Variants in PRR16 observed in about 807,000 individuals in gnomAD.
The protein encoded by PRR16 is proline rich 16.
In PRR16, 6 loss-of-function variants were observed where a neutral mutation model predicts 18.2. The ratio of observed to expected loss-of-function variants is 0.33; its 90% CI spans 0.18 to 0.65. The LOEUF (loss-of-function observed/expected upper bound fraction) is 0.65. Among genes scored for constraint, PRR16 ranks in the 30% least tolerant of loss-of-function variants. The pLI is 0.74. For missense variants in PRR16, 412 were observed against 376.6 expected, an observed-to-expected ratio of 1.09 and a Z score of -0.78; for synonymous variants, 151 against 147.8, an observed-to-expected ratio of 1.02 and a Z score of -0.16.
intron 1 of PRR16, chr5:120,658,108 T>C (rs972286165): frequency 3.9e-5 from 6 of 151,920 alleles, no homozygotes; most frequent in Non-Finnish European, 8.8e-5. Flanking sequence ...GAAATATTAG[T>C]AGATTTAAAT....
chr5:120,480,190 G>T (rs1749566195), intron 1 of PRR16, among the ~76,000 whole-genome samples: 1 of 152,098 alleles, frequency 6.6e-6, no homozygotes, highest in South Asian at 2.1e-4. Flanking sequence ...CAGGAGAATT[G>T]CTTGAACCTG....
chr5:120,490,147 G>A (rs1185737742), intron 1 of PRR16, among the ~76,000 whole-genome samples: 4 of 151,992 alleles, frequency 2.6e-5, no homozygotes, highest in East Asian at 3.9e-4. Flanking sequence ...TGCTGTTCTC[G>A]AGGAGTATCT....
chr5:120,754,330 TTATATA>T, the PRR16 span, among the ~76,000 whole-genome samples: 1 of 77,688 alleles, frequency 1.3e-5, no homozygotes, highest in Non-Finnish European at 2.3e-5. Flanking sequence ...ATATTATATG[TTATATA>T]TAAATATATG....
intron 1 of PRR16, among the ~76,000 whole-genome samples, chr5:120,679,924 G>A (rs571457983): frequency 2.6e-4 from 39 of 152,200 alleles, no homozygotes; most frequent in African/African-American, 8.4e-4. Context: ...AAGATTTAAT[G>A]TACAATATGA....
Position 120,475,513 on chromosome 5 carries a change from G to A in PRR16, c.159+10868G>A, listed in dbSNP as rs183853855. On this transcript the variant is annotated intron_variant, in intron 1 of 1. Transcript: ENST00000407149. The stretch of plus-strand genomic sequence containing the variant: ...GACACTTTGAGAGGCAGAGGCAGGA[G>A]GATTGCTTGAGGCCAGGAGTTCAAG... Among the ~76,000 whole-genome samples, 115 of 152,142 alleles carry A rather than the reference G, an allele frequency of 7.6e-4. 2 individuals carry two copies. Among genetic ancestry groups the A allele is most frequent in the Middle Eastern group, 3.4e-3 (1 of 294 alleles).
At chr5:120,792,489 A>G in the PRR16 span, among the ~76,000 whole-genome samples, 2 of 152,154 alleles carry the variant, frequency 1.3e-5, no homozygotes, top group South Asian at 2.1e-4. Context: ...TTACAAATCT[A>G]TTAAACAATT....
At position 120,655,374 on chromosome 5, in the gene PRR16, C is replaced by CTT. The variant is rs5870910; in HGVS notation, c.160-30567_160-30566dup. Among the ~76,000 whole-genome samples, 390 of 95,674 alleles carry CTT rather than the reference C, an allele frequency of 4.1e-3. 2 individuals are homozygous for CTT. Among genetic ancestry groups the CTT allele is most frequent in the African/African-American group, 0.011 (336 of 29,374 alleles). 62.8% of individuals were successfully genotyped at this position (95,674 alleles called of 152,430 possible). On this transcript the variant is annotated intron_variant, in intron 1 of 1. Transcript: ENST00000407149. ...ATTTATCTTCAAATCAATAATTGACCTTTTTTTTTTTTTTAAAAAAAAAGA... is the reference window on the plus strand; with the variant it reads ...ATTTATCTTCAAATCAATAATTGACCTTTTTTTTTTTTTTTTAAAAAAAAAGA...
chr5:120,742,279 G>C, the PRR16 span, among the ~76,000 whole-genome samples: 1 of 45,828 alleles, frequency 2.2e-5, no homozygotes, highest in South Asian at 1.2e-3. Context: ...GTTACTTGTG[G>C]GTTTTTTTTT....
At chr5:120,616,079 C>T (rs1294633609) in intron 1 of PRR16, among the ~76,000 whole-genome samples, 1 of 152,114 alleles carries the variant, frequency 6.6e-6, no homozygotes, top group African/African-American at 2.4e-5. Context: ...CTTTTGAGCT[C>T]CTTGAGGAAG....
rs942019881 is a variant in PRR16, at chr5:120,486,621, C to G, written c.159+21976C>G. ...TGCCTGTTCACTCTGATGGTAGTTT[C>G]TTTTGCTGTGCAGAAGCTCTTTAGT... On this transcript the variant is annotated intron_variant, in intron 1 of 1. Transcript: ENST00000407149. 2.1e-3 allele frequency among the ~76,000 whole-genome samples: 327 copies of G among 152,224 alleles called. 1 individual carries two copies. Among genetic ancestry groups the G allele is most frequent in the Admixed American group, 5.9e-3 (90 of 15,280 alleles).
At chr5:120,585,952 G>A (rs1263957495) in intron 1 of PRR16, among the ~76,000 whole-genome samples, 4 of 151,916 alleles carry the variant, frequency 2.6e-5, no homozygotes, top group African/African-American at 9.7e-5. Context: ...GAGGAGGGTG[G>A]ATCACAAGGT....
At chr5:120,611,682 C>A (rs965410830) in intron 1 of PRR16, among the ~76,000 whole-genome samples, 1 of 152,166 alleles carries the variant, frequency 6.6e-6, no homozygotes, top group South Asian at 2.1e-4. Context: ...AGAAGATGTA[C>A]GGGAATGTCT....
At chr5:120,768,283 G>T in the PRR16 span, among the ~76,000 whole-genome samples, 1 of 151,724 alleles carries the variant, frequency 6.6e-6, no homozygotes, top group Non-Finnish European at 1.5e-5. Context: ...TATAATTCTA[G>T]AATATTTTTT....
the PRR16 span, among the ~76,000 whole-genome samples, chr5:120,785,183 T>G: frequency 7.2e-4 from 110 of 152,318 alleles, 1 homozygote; most frequent in Non-Finnish European, 1.4e-3. Flanking sequence ...TTGGTTATTT[T>G]TTTTCCATGA....
At chr5:120,552,871 G>T (rs997047270) in intron 1 of PRR16, among the ~76,000 whole-genome samples, 3 of 151,748 alleles carry the variant, frequency 2.0e-5, no homozygotes, top group African/African-American at 7.3e-5. Flanking sequence ...GTCATTCCCT[G>T]CATGTTGATA....
intron 1 of PRR16, among the ~76,000 whole-genome samples, chr5:120,517,036 G>A (rs2112645550): frequency 6.6e-6 from 1 of 152,208 alleles, no homozygotes; most frequent in Non-Finnish European, 1.5e-5. Flanking sequence ...AGCCCAAAGA[G>A]AAGGCTGCTT....
At chr5:120,786,288 T>C in the PRR16 span, among the ~76,000 whole-genome samples, 3 of 151,692 alleles carry the variant, frequency 2.0e-5, no homozygotes, top group Admixed American at 6.6e-5. Context: ...CAAGTTTTAT[T>C]TTCATGGAAA....
At chr5:120,504,881 C>T (rs1750588923) in intron 1 of PRR16, among the ~76,000 whole-genome samples, 1 of 152,122 alleles carries the variant, frequency 6.6e-6, no homozygotes. Flanking sequence ...AGTTACAGAT[C>T]TGTAGGCAAA....
the PRR16 span, among the ~76,000 whole-genome samples, chr5:120,766,408 C>T: frequency 0.26 from 40,027 of 151,496 alleles, 5,600 homozygotes; most frequent in Non-Finnish European, 0.3. Flanking sequence ...CAATGTGAAC[C>T]CTCTATTCAA....
Sources: gnomAD v4.1 joint callset for allele counts (sites outside exome capture counted in the v4.1 genomes callset) on GRCh38, gnomAD v4.1.1 for gene constraint, MANE v1.5 for transcripts, NCBI Gene and HGNC (gene_info 2026-07-23, HGNC 2026-07-21) for gene names.